Variants in KANSL1 observed in about 807,000 individuals in gnomAD.
KANSL1 encodes the protein KAT8 regulatory NSL complex subunit 1.
Under a neutral mutation model 103.6 loss-of-function variants are expected in KANSL1, and 22 were observed. The ratio of observed to expected loss-of-function variants is 0.21; its 90% CI spans 0.15 to 0.30. The LOEUF (loss-of-function observed/expected upper bound fraction) is 0.30, where lower values mean the gene tolerates loss of function less well. KANSL1 is among the 10% of genes least tolerant of loss of function. The probability of loss-of-function intolerance (pLI) is 1.00; values close to 1 mark genes in which losing one functional copy is unlikely to be tolerated. For missense variants in KANSL1, 1,337 were observed against 1,399.8 expected (o/e 0.96, Z 0.72); for synonymous variants, 600 against 527.6 (o/e 1.14, Z -1.88).
At chr17:46,179,396 T>C (rs145723347) in intron 1 of KANSL1, among the ~76,000 whole-genome samples, 31 of 152,250 alleles carry the variant, frequency 2.0e-4, no homozygotes, top group Admixed American at 1.5e-3. Flanking sequence ...CTTGCAAAAA[T>C]ATTTAGCTGC....
At chr17:46,219,492 A>C (rs2048451038) in intron 1 of KANSL1, among the ~76,000 whole-genome samples, 2 of 152,170 alleles carry the variant, frequency 1.3e-5, no homozygotes. Flanking sequence ...CCTCTCAAGT[A>C]GCTGCAACTA....
intron 2 of KANSL1, among the ~76,000 whole-genome samples, chr17:46,156,260 T>G (rs908202853): frequency 2.0e-5 from 3 of 152,202 alleles, no homozygotes; most frequent in Non-Finnish European, 4.4e-5. Flanking sequence ...GGCAAGAGAA[T>G]CCCTTGAACC....
chr17:46,117,749 G>A (rs1374501475), intron 2 of KANSL1, among the ~76,000 whole-genome samples: 2 of 151,494 alleles, frequency 1.3e-5, no homozygotes, highest in Non-Finnish European at 2.9e-5. Context: ...AAAAAGCTAG[G>A]GAAAACAATT....
At chr17:46,087,971 G>A (rs1319692449) in intron 3 of KANSL1, among the ~76,000 whole-genome samples, 8 of 152,194 alleles carry the variant, frequency 5.3e-5, no homozygotes, top group South Asian at 4.1e-4. Flanking sequence ...TGTGCCATTA[G>A]CCTGGTGGCA....
chr17:46,201,291 C>T (rs771316682), intron 1 of KANSL1, among the ~76,000 whole-genome samples: 7 of 152,190 alleles, frequency 4.6e-5, no homozygotes, highest in Non-Finnish European at 7.3e-5. Context: ...CAGCTACAAA[C>T]GGGGAGTAAC....
At chr17:46,160,851 C>T (rs17662379) in intron 2 of KANSL1, among the ~76,000 whole-genome samples, 3,191 of 152,218 alleles carry the variant, frequency 0.021, 51 homozygotes, top group South Asian at 0.056. Flanking sequence ...AAAGCTAGTG[C>T]TTATGCCCAG....
chr17:46,211,225 T>C (rs1179372447), intron 1 of KANSL1, among the ~76,000 whole-genome samples: 2 of 65,854 alleles, frequency 3.0e-5, no homozygotes, highest in South Asian at 3.5e-4. Flanking sequence ...TGATGTTCTA[T>C]GCAAAAAAAA....
intron 2 of KANSL1, among the ~76,000 whole-genome samples, chr17:46,131,652 T>C (rs1475772136): frequency 6.6e-6 from 1 of 152,132 alleles, no homozygotes; most frequent in Non-Finnish European, 1.5e-5. Flanking sequence ...CTCCACATCC[T>C]CAAGAAGCTT....
At chr17:46,144,132 T>C (rs1196732324) in intron 2 of KANSL1, among the ~76,000 whole-genome samples, 1 of 152,202 alleles carries the variant, frequency 6.6e-6, no homozygotes, top group Admixed American at 6.5e-5. Context: ...AGGAAAGATA[T>C]AACTATACTA....
At chr17:46,067,746 C>G in intron 4 of KANSL1, 79 bp from the exon 5 acceptor site, 1 of 729,168 alleles carries the variant, frequency 1.4e-6, no homozygotes, top group Non-Finnish European at 2.4e-6. Context: ...ACTTCATTTG[C>G]ACAAAGCACC....
At chr17:46,137,467 T>C (rs2044204430) in intron 2 of KANSL1, among the ~76,000 whole-genome samples, 1 of 152,212 alleles carries the variant, frequency 6.6e-6, no homozygotes, top group Non-Finnish European at 1.5e-5. Flanking sequence ...CAAAAATCCT[T>C]ACTATAGCAG....
chr17:46,169,196 T>C (rs2046157012), intron 2 of KANSL1, among the ~76,000 whole-genome samples: 1 of 152,212 alleles, frequency 6.6e-6, no homozygotes, highest in Non-Finnish European at 1.5e-5. Flanking sequence ...TTAGTGGGGA[T>C]AATGCCATGA....
chr17:46,176,664 C>T (rs895832965), intron 1 of KANSL1, among the ~76,000 whole-genome samples: 2 of 150,638 alleles, frequency 1.3e-5, no homozygotes, highest in Admixed American at 6.7e-5. Context: ...GCACTCCAGC[C>T]GGGGCAACAA....
Position 46,193,002 on chromosome 17 carries a change from C to CGGGGGGGCGAGGCAGAGGG in KANSL1, c.-288_-270dup, listed in dbSNP as rs2147933503. 1 of 151,818 alleles carries CGGGGGGGCGAGGCAGAGGG rather than the reference C, an allele frequency of 6.6e-6. No homozygotes were observed. Among genetic ancestry groups the CGGGGGGGCGAGGCAGAGGG allele is most frequent in the South Asian group, 2.1e-4 (1 of 4,836 alleles). 9.4% of individuals were successfully genotyped at this position (151,818 alleles called of 1,614,324 possible). ...CCCGGAGCCGCCCTGACTTTCCGGG[C>CGGGGGGGCGAGGCAGAGGG]GGGGGGGCGAGGCAGAGGGGGAGGG... On this transcript the variant is annotated 5_prime_UTR_variant, in exon 1 of 15. Transcript: ENST00000432791.
chr17:46,114,587 A>T lies in KANSL1; in HGVS notation c.1290-19886T>A, dbSNP rs183782926. Among the ~76,000 whole-genome samples the T allele has an allele frequency of 1.8e-3, 274 of 152,308 alleles. 1 individual carries two copies. The highest frequency in any genetic ancestry group is 3.4e-3 in the Non-Finnish European group (229 of 68,028). On this transcript the variant is annotated intron_variant, in intron 2 of 14. Coordinates refer to ENST00000432791, the MANE Select transcript of KANSL1 (RefSeq NM_015443.4). Reference sequence around the variant, plus strand: ...TTTTTCCCAGTTTAGTTAAGACCACATGTCAGTATTTTATTACAATCTTTC... The same window carrying T: ...TTTTTCCCAGTTTAGTTAAGACCACTTGTCAGTATTTTATTACAATCTTTC...
intron 2 of KANSL1, 37 bp downstream of exon 2, chr17:46,170,818 T>A (rs1389503533): frequency 2.6e-6 from 4 of 1,533,968 alleles, no homozygotes; most frequent in Non-Finnish European, 3.5e-6. Context: ...TGTGCCAACA[T>A]TTCTCAAGAA....
intron 2 of KANSL1, among the ~76,000 whole-genome samples, chr17:46,111,087 C>T (rs2042782467): frequency 6.6e-6 from 1 of 152,126 alleles, no homozygotes; most frequent in South Asian, 2.1e-4. Context: ...TAAGTTGGAG[C>T]AGTTATTTTA....
intron 1 of KANSL1, among the ~76,000 whole-genome samples, chr17:46,183,812 CT>C (rs2046901143): frequency 6.6e-6 from 1 of 152,014 alleles, no homozygotes; most frequent in Admixed American, 6.6e-5. Flanking sequence ...ATTCAGAAGG[CT>C]GAGGTACAAG....
chr17:46,082,410 G>A (rs371808570), intron 4 of KANSL1, 31 bp downstream of exon 4: 31 of 1,405,514 alleles, frequency 2.2e-5, no homozygotes, highest in African/African-American at 1.8e-4. Flanking sequence ...TAATTCTCAC[G>A]CATTTCCCCC....
Sources: allele counts gnomAD v4.1 joint callset (sites outside exome capture counted in the v4.1 genomes callset), GRCh38; gene constraint gnomAD v4.1.1; transcripts MANE v1.5; gene names NCBI Gene and HGNC (gene_info 2026-07-23, HGNC 2026-07-21).